PITPNB: variants seen among roughly 807,000 people sequenced by gnomAD.
The protein encoded by PITPNB is phosphatidylinositol transfer protein beta isoform.
PITPNB carries 16 observed loss-of-function variants against 45.9 expected under a neutral mutation model. The observed-to-expected ratio is 0.35, with a 90% CI of 0.24 to 0.53. The LOEUF is 0.53. Ranked by LOEUF, PITPNB falls within the 20% of genes least tolerant of loss-of-function variation. The pLI, the probability that PITPNB is intolerant of heterozygous loss-of-function variation, is 0.93. For synonymous variants in PITPNB, 112 were observed against 108.9 expected (o/e 1.03, Z -0.18); for missense variants, 188 against 330.5 (o/e 0.57, Z 3.34).
chr22:27,887,160 AT>A (rs1450026281), intron 7 of PITPNB, among the ~76,000 whole-genome samples: 5 of 152,354 alleles, frequency 3.3e-5, no homozygotes, highest in Admixed American at 2.6e-4. Context: ...TCACAACTGC[AT>A]AGGTAACCAG....
intron 7 of PITPNB, among the ~76,000 whole-genome samples, chr22:27,882,266 T>G (rs1934994787): frequency 1.3e-5 from 2 of 152,120 alleles, no homozygotes; most frequent in Admixed American, 6.5e-5. Flanking sequence ...CACCCATGGT[T>G]TAAAACAATT....
At chr22:27,900,961 T>C (rs529995099) in intron 3 of PITPNB, among the ~76,000 whole-genome samples, 1 of 152,304 alleles carries the variant, frequency 6.6e-6, no homozygotes, top group South Asian at 2.1e-4. Context: ...AAAGGAACAA[T>C]TATTAACTGA....
At chr22:27,861,033 A>AG (rs1934314634) in intron 8 of PITPNB, among the ~76,000 whole-genome samples, 1 of 149,738 alleles carries the variant, frequency 6.7e-6, no homozygotes. Flanking sequence ...GGAAAAAAAA[A>AG]AAAAAAAAAA....
chr22:27,910,389 C>T (rs1335282474), intron 3 of PITPNB: 2 of 152,458 alleles, frequency 1.3e-5, no homozygotes, highest in African/African-American at 4.8e-5. Flanking sequence ...AGCCACCACA[C>T]CTGGCCAGAA....
intron 3 of PITPNB, among the ~76,000 whole-genome samples, chr22:27,903,579 C>T (rs1344606932): frequency 6.6e-6 from 1 of 151,010 alleles, no homozygotes; most frequent in Non-Finnish European, 1.5e-5. Context: ...GAGTTGGAGA[C>T]CAGCCTGGGC....
intron 10 of PITPNB, 149 bp from the exon 11 acceptor site, chr22:27,855,088 A>C: frequency 1.7e-6 from 1 of 592,072 alleles, no homozygotes; most frequent in Non-Finnish European, 3.0e-6. Context: ...CCCCTCAAAT[A>C]ACCTTGGTTT....
intron 8 of PITPNB, among the ~76,000 whole-genome samples, chr22:27,871,604 C>A (rs1934660826): frequency 6.6e-6 from 1 of 152,162 alleles, no homozygotes. Flanking sequence ...AGATTGAGTT[C>A]TAAAGTCTGA....
chr22:27,900,075 T>G (rs1935549055), intron 3 of PITPNB, among the ~76,000 whole-genome samples: 1 of 151,978 alleles, frequency 6.6e-6, no homozygotes, highest in Non-Finnish European at 1.5e-5. Flanking sequence ...TGGTGGTGGG[T>G]GCCTGCAATC....
At chr22:27,883,504 T>A (rs1369592102) in intron 7 of PITPNB, among the ~76,000 whole-genome samples, 1 of 152,234 alleles carries the variant, frequency 6.6e-6, no homozygotes, top group Non-Finnish European at 1.5e-5. Context: ...AAGGTGGGCA[T>A]GCGCAGGAAT....
intron 8 of PITPNB, among the ~76,000 whole-genome samples, chr22:27,869,539 G>T (rs1433112764): frequency 1.3e-5 from 2 of 151,854 alleles, no homozygotes; most frequent in African/African-American, 2.4e-5. Flanking sequence ...AACCACGAGG[G>T]GTAAAGACAC....
chr22:27,903,797 A>C (rs937127781), intron 3 of PITPNB, among the ~76,000 whole-genome samples: 16 of 146,336 alleles, frequency 1.1e-4, no homozygotes, highest in South Asian at 4.4e-4. Context: ...AAAAAAAAAA[A>C]CTAAAAAGAA....
intron 7 of PITPNB, among the ~76,000 whole-genome samples, chr22:27,879,303 T>C (rs962277334): frequency 1.3e-5 from 2 of 152,194 alleles, no homozygotes; most frequent in Admixed American, 1.3e-4. Flanking sequence ...TACAAACAGA[T>C]GGCTATGTGA....
intron 5 of PITPNB, 79 bp from the exon 6 acceptor site, chr22:27,896,705 G>T: frequency 4.6e-6 from 4 of 873,608 alleles, no homozygotes; most frequent in Admixed American, 1.9e-5. Flanking sequence ...GCTTTTCCCA[G>T]TATAGGCATC....
rs781633622 is a variant in PITPNB, at chr22:27,910,967, T to C, written c.194A>G (p.Lys65Arg). 1.2e-6 allele frequency: 2 copies of C among 1,613,030 alleles called. No homozygotes were observed. Among genetic ancestry groups the C allele is most frequent in the Non-Finnish European group, 8.5e-7 (1 of 1,179,042 alleles). The change falls in exon 3 of 12, where the codon AAG becomes AGG. Residue 65 changes from lysine (K) to arginine (R), a missense_variant. Physicochemically the swap from Lys to Arg is conservative, Grantham distance 26 (BLOSUM62 2). Transcript: ENST00000335272. ...GTCAAATGTGAACACCGCTTACCTC[T>C]TTAGGTGATAAATTTTGTGCGTATA... is the stretch of plus-strand genomic sequence containing the variant. ...GQYTHKIYHL[K>R]SKVPAFVRMI...
At chr22:27,883,925 T>G (rs895991755) in intron 7 of PITPNB, among the ~76,000 whole-genome samples, 2 of 152,188 alleles carry the variant, frequency 1.3e-5, no homozygotes, top group Non-Finnish European at 2.9e-5. Flanking sequence ...CAAAGGAGGC[T>G]GAGCTGATTA....
In PITPNB at chr22:27,853,660, GT is replaced by G; in HGVS notation, c.*41del. On this transcript the variant is annotated splice_region_variant and 3_prime_UTR_variant, in exon 12 of 12. Transcript: ENST00000335272. ...GTTCCCCTCACTTGACCTTGATTAC[GT>G]AACTGTAAGAAAAGTGAAAGACAGT... is the stretch of plus-strand genomic sequence containing the variant. The G allele has an allele frequency of 2.6e-6, 4 of 1,549,470 alleles. No homozygotes were observed. Among genetic ancestry groups the G allele is most frequent in the Non-Finnish European group, 3.5e-6 (4 of 1,145,662 alleles).
intron 11 of PITPNB, 117 bp from the exon 12 acceptor site, chr22:27,853,780 C>A: frequency 1.4e-6 from 1 of 718,280 alleles, no homozygotes; most frequent in Non-Finnish European, 2.5e-6. Flanking sequence ...AAATGTACCC[C>A]AACTACTGCA....
In PITPNB at chr22:27,914,187, A is replaced by G. The variant is rs889528315; in HGVS notation, c.51+130T>C. On this transcript the variant is annotated intron_variant, in intron 2 of 11. Coordinates refer to ENST00000335272, the MANE Select transcript of PITPNB (RefSeq NM_012399.5). ...TTGCAATTCTTTGCAATTATCATTC[A>G]TATAATTAATTTTGTCACATAAGGT... 7.5e-6 allele frequency: 5 copies of G among 665,220 alleles called. No homozygotes were observed. In the East Asian group the frequency reaches 1.4e-4, roughly 19 times the overall value. 41.2% of individuals were successfully genotyped at this position (665,220 alleles called of 1,614,324 possible).
chr22:27,861,776 G>A (rs1378029894), intron 8 of PITPNB, among the ~76,000 whole-genome samples: 1 of 152,214 alleles, frequency 6.6e-6, no homozygotes, highest in African/African-American at 2.4e-5. Flanking sequence ...CATCATCTTA[G>A]GACTGTTGTG....
Sources: allele counts gnomAD v4.1 joint callset (sites outside exome capture counted in the v4.1 genomes callset), GRCh38; gene constraint gnomAD v4.1.1; transcripts MANE v1.5; gene names NCBI Gene and HGNC (gene_info 2026-07-23, HGNC 2026-07-21).